The following ZFAND3 variants were observed in gnomAD, a reference collection of about 807,000 sequenced individuals.
ZFAND3 encodes AN1-type zinc finger protein 3.
Under a neutral mutation model 29.6 loss-of-function variants are expected in ZFAND3, and 10 were observed. The ratio of observed to expected loss-of-function variants is 0.34; its 90% confidence interval spans 0.21 to 0.57. The LOEUF (loss-of-function observed/expected upper bound fraction) is 0.57, where lower values mean the gene tolerates loss of function less well. Ranked by LOEUF, ZFAND3 falls within the 20% of genes least tolerant of loss-of-function variation. The pLI is 0.86. For missense variants in ZFAND3, 230 were observed against 304.5 expected (o/e 0.76, Z 1.82); for synonymous variants, 128 against 112.6 (o/e 1.14, Z -0.87).
chr6:37,950,440 CA>C (rs1761978461), intron 2 of ZFAND3, among the ~76,000 whole-genome samples: 1 of 151,702 alleles, frequency 6.6e-6, no homozygotes, highest in Admixed American at 6.6e-5. Context: ...TGCAGCAGCG[CA>C]AACTTGGCTC....
chr6:38,044,785 AT>A (rs1228383340), intron 2 of ZFAND3, among the ~76,000 whole-genome samples: 2 of 152,126 alleles, frequency 1.3e-5, no homozygotes, highest in Admixed American at 6.6e-5. Flanking sequence ...TGCGGAAGAT[AT>A]TTTTGCGAAG....
intron 2 of ZFAND3, among the ~76,000 whole-genome samples, chr6:38,016,177 C>T (rs972722921): frequency 2.0e-5 from 3 of 152,154 alleles, no homozygotes; most frequent in Admixed American, 1.3e-4. Context: ...TGTTAGCCAT[C>T]TGACTTTGGG....
chr6:38,135,571 C>T (rs966387597), intron 5 of ZFAND3, among the ~76,000 whole-genome samples: 2 of 152,088 alleles, frequency 1.3e-5, no homozygotes, highest in African/African-American at 4.8e-5. Context: ...ATGGTGAAAC[C>T]CTGTCTCTAC....
At chr6:38,148,919 C>G (rs1318003226) in intron 5 of ZFAND3, among the ~76,000 whole-genome samples, 1 of 152,158 alleles carries the variant, frequency 6.6e-6, no homozygotes, top group Admixed American at 6.5e-5. Context: ...ATCTAATAAC[C>G]TCAGTGCAGC....
chr6:38,140,772 T>C (rs1018902532), intron 5 of ZFAND3, among the ~76,000 whole-genome samples: 1 of 152,216 alleles, frequency 6.6e-6, no homozygotes. Flanking sequence ...TATTAATACC[T>C]TCCACACAGG....
intron 5 of ZFAND3, among the ~76,000 whole-genome samples, chr6:38,117,040 C>A (rs988363826): frequency 6.6e-6 from 1 of 152,160 alleles, no homozygotes; most frequent in Non-Finnish European, 1.5e-5. Flanking sequence ...ACTTACTACT[C>A]TGGTTTCTTC....
chr6:38,067,460 A>G (rs986493463), intron 3 of ZFAND3, among the ~76,000 whole-genome samples: 7 of 152,200 alleles, frequency 4.6e-5, no homozygotes, highest in Non-Finnish European at 7.3e-5. Context: ...CTCTGCCACC[A>G]CACCATAGCT....
chr6:37,882,988 G>A (rs1764923795), intron 1 of ZFAND3, among the ~76,000 whole-genome samples: 1 of 152,104 alleles, frequency 6.6e-6, no homozygotes, highest in Non-Finnish European at 1.5e-5. Flanking sequence ...AGAGGCCAAG[G>A]CAGAAGAATC....
intron 2 of ZFAND3, among the ~76,000 whole-genome samples, chr6:38,053,387 T>TTA (rs1281133680): frequency 6.6e-6 from 1 of 151,210 alleles, no homozygotes; most frequent in African/African-American, 2.4e-5. Context: ...AAGATTTCAA[T>TTA]TAAGATGTTA....
At chr6:38,030,762 T>C (rs1165389084) in intron 2 of ZFAND3, among the ~76,000 whole-genome samples, 1 of 151,992 alleles carries the variant, frequency 6.6e-6, no homozygotes, top group Non-Finnish European at 1.5e-5. Context: ...CAGGTCTGCA[T>C]TGAAAGAAGT....
intron 2 of ZFAND3, chr6:38,002,879 C>T (rs990950950): frequency 6.6e-6 from 1 of 152,084 alleles, no homozygotes; most frequent in African/African-American, 2.4e-5. Context: ...TGGGCCTTCC[C>T]TATGCTAAGT....
intron 2 of ZFAND3, among the ~76,000 whole-genome samples, chr6:38,025,289 A>G (rs1196434075): frequency 6.6e-6 from 1 of 152,248 alleles, no homozygotes; most frequent in Non-Finnish European, 1.5e-5. Flanking sequence ...TTTTAGTCAC[A>G]TCAATACTTT....
At chr6:38,036,019 TCTC>T (rs1282434870) in intron 2 of ZFAND3, among the ~76,000 whole-genome samples, 1 of 152,160 alleles carries the variant, frequency 6.6e-6, no homozygotes, top group Non-Finnish European at 1.5e-5. Flanking sequence ...TTATGGAAAG[TCTC>T]CTCCAGGAGA....
At chr6:37,920,319 T>A (rs1761354676) in intron 1 of ZFAND3, among the ~76,000 whole-genome samples, 1 of 151,978 alleles carries the variant, frequency 6.6e-6, no homozygotes, top group Non-Finnish European at 1.5e-5. Flanking sequence ...TTGTTTTTTT[T>A]TTTCTCCTTT....
chr6:37,925,088 A>G (rs977105255), intron 1 of ZFAND3, among the ~76,000 whole-genome samples: 1 of 152,102 alleles, frequency 6.6e-6, no homozygotes, highest in Non-Finnish European at 1.5e-5. Flanking sequence ...TTTTTTTTAA[A>G]AACTTTCTCC....
intron 1 of ZFAND3, among the ~76,000 whole-genome samples, chr6:37,888,332 T>C (rs1305383238): frequency 6.6e-6 from 1 of 152,234 alleles, no homozygotes; most frequent in Non-Finnish European, 1.5e-5. Flanking sequence ...ATAGATCAGC[T>C]TGACTTAGCT....
chr6:37,961,420 G>A (rs1762193413), intron 2 of ZFAND3, among the ~76,000 whole-genome samples: 1 of 152,226 alleles, frequency 6.6e-6, no homozygotes, highest in Admixed American at 6.5e-5. Flanking sequence ...CCAGGATCCT[G>A]GGGGAGCTTG....
intron 3 of ZFAND3, 108 bp downstream of exon 3, chr6:38,061,883 G>A (rs1393586518): frequency 7.5e-7 from 1 of 1,330,218 alleles, no homozygotes; most frequent in Non-Finnish European, 1.0e-6. Context: ...TTTAATTCAA[G>A]ATAAGTGTCC....
chr6:38,009,174 A>G (rs1016732346), intron 2 of ZFAND3, among the ~76,000 whole-genome samples: 1 of 152,208 alleles, frequency 6.6e-6, no homozygotes, highest in Non-Finnish European at 1.5e-5. Context: ...TATATTAACT[A>G]ATCAAATAAA....
Sources: allele counts gnomAD v4.1 joint callset (sites outside exome capture counted in the v4.1 genomes callset), GRCh38; gene constraint gnomAD v4.1.1; transcripts MANE v1.5; gene names NCBI Gene and HGNC (gene_info 2026-07-23, HGNC 2026-07-21).